The following STARD4 variants were observed in gnomAD, a reference collection of about 807,000 sequenced individuals.
STARD4 encodes StAR related lipid transfer domain containing 4.
Under a neutral mutation model 24.9 loss-of-function variants are expected in STARD4, and 33 were observed. The ratio of observed to expected loss-of-function variants is 1.32; its 90% CI spans 1.00 to 1.77. The LOEUF is 1.77. STARD4 is among the 40% of genes most tolerant of loss of function. The pLI, the probability that STARD4 is intolerant of heterozygous loss-of-function variation, is 0.00. For synonymous variants in STARD4, 88 were observed against 77.4 expected, an observed-to-expected ratio of 1.14 and a Z score of -0.72; for missense variants, 238 against 249.3, an observed-to-expected ratio of 0.95 and a Z score of 0.31.
chr5:111,512,208 T>C (rs1246824041), intron 1 of STARD4, 177 bp downstream of exon 1: 3 of 152,524 alleles, frequency 2.0e-5, no homozygotes, highest in Non-Finnish European at 1.5e-5. Flanking sequence ...CTTTCATCTG[T>C]GAGGTCCTCT....
intron 1 of STARD4, 148 bp downstream of exon 1, chr5:111,512,236 GC>G (rs1757367054): frequency 6.6e-6 from 1 of 152,528 alleles, no homozygotes; most frequent in Admixed American, 6.5e-5. Flanking sequence ...GGACGCCGGG[GC>G]CCGCCATCCC....
At chr5:111,509,810 C>T (rs766355985) in intron 1 of STARD4, among the ~76,000 whole-genome samples, 2 of 152,120 alleles carry the variant, frequency 1.3e-5, no homozygotes, top group African/African-American at 4.8e-5. Flanking sequence ...TTACGCCAAT[C>T]CTAGAGCTTC....
chr5:111,504,086 T>C (rs1580853551), intron 3 of STARD4, among the ~76,000 whole-genome samples: 1 of 152,186 alleles, frequency 6.6e-6, no homozygotes, highest in Non-Finnish European at 1.5e-5. Flanking sequence ...AAGTAGTGAA[T>C]GGAGGGGGAT....
Position 111,496,243 on chromosome 5 carries a change from A to T in STARD4, c.*3643T>A, listed in dbSNP as rs1183043799. The T allele has an allele frequency of 6.6e-6, 1 of 152,132 alleles. No individual in the cohort carries two copies. Among genetic ancestry groups the T allele is most frequent in the East Asian group, 1.9e-4 (1 of 5,206 alleles). The allele number at this position is 152,132 out of a possible 1,614,324, so 9.4% of individuals were successfully genotyped here. A position where few individuals can be genotyped will look rare whatever the true frequency, so the allele number is the denominator to read the frequency against. On this transcript the variant is annotated 3_prime_UTR_variant, in exon 6 of 6. Transcript: ENST00000296632. ...GATGAATTTTAATATTTAACTATAC[A>T]TGTAAAATCCGTAAAAACAATACAA...
At chr5:111,505,746 G>C (rs74395116) in intron 3 of STARD4, among the ~76,000 whole-genome samples, 6,044 of 152,182 alleles carry the variant, frequency 0.04, 385 homozygotes, top group African/African-American at 0.14. Flanking sequence ...CTGAGTAAAT[G>C]TAGAATATTA....
At chr5:111,509,332 T>C (rs1757081570) in intron 1 of STARD4, among the ~76,000 whole-genome samples, 1 of 152,136 alleles carries the variant, frequency 6.6e-6, no homozygotes, top group Non-Finnish European at 1.5e-5. Context: ...AAGTTATTAT[T>C]ATCATAAGCA....
chr5:111,510,130 T>C (rs1757141325), intron 1 of STARD4, among the ~76,000 whole-genome samples: 2 of 152,240 alleles, frequency 1.3e-5, no homozygotes, highest in Admixed American at 1.3e-4. Flanking sequence ...GCAATGTATT[T>C]AACCAAACAG....
chr5:111,505,835 C>A (rs1223793663), intron 3 of STARD4, among the ~76,000 whole-genome samples: 1 of 152,016 alleles, frequency 6.6e-6, no homozygotes, highest in African/African-American at 2.4e-5. Flanking sequence ...TCCTCACCAC[C>A]AACTCAGTCT....
At chr5:111,510,508 T>C (rs1757182523) in intron 1 of STARD4, among the ~76,000 whole-genome samples, 1 of 152,178 alleles carries the variant, frequency 6.6e-6, no homozygotes, top group South Asian at 2.1e-4. Flanking sequence ...ACTCTAACAT[T>C]TACACGTCAG....
At chr5:111,506,434 C>A in intron 2 of STARD4, 55 bp from the exon 3 acceptor site, 1 of 811,006 alleles carries the variant, frequency 1.2e-6, no homozygotes, top group Non-Finnish European at 1.9e-6. Flanking sequence ...ACCCTAGACA[C>A]AAAACTGATA....
rs1162371353 is a variant in STARD4, at chr5:111,496,481, G to T, written c.*3405C>A. 1.3e-5 allele frequency: 2 copies of T among 152,036 alleles called. No homozygotes were observed. Among genetic ancestry groups the T allele is most frequent in the African/African-American group, 4.8e-5 (2 of 41,412 alleles). 9.4% of individuals were successfully genotyped at this position (152,036 alleles called of 1,614,324 possible). A position where few individuals can be genotyped will look rare whatever the true frequency, so the allele number is the denominator to read the frequency against. Reference sequence around the variant, plus strand: ...TCTCTACAGGGTAGGGATCACTACAGTCCCATTTAATTAAAAGAAACTGGA... The same window carrying T: ...TCTCTACAGGGTAGGGATCACTACATTCCCATTTAATTAAAAGAAACTGGA... On this transcript the variant is annotated 3_prime_UTR_variant, in exon 6 of 6. Coordinates refer to ENST00000296632, the MANE Select transcript of STARD4 (RefSeq NM_139164.3).
At chr5:111,500,914 A>G (rs1234899088) in intron 5 of STARD4, 88 bp downstream of exon 5, 1 of 1,608,212 alleles carries the variant, frequency 6.2e-7, no homozygotes, top group African/African-American at 1.3e-5. Flanking sequence ...AGTTGAAAAT[A>G]TATCTCACAA....
chr5:111,509,058 A>T (rs1256827433), intron 1 of STARD4, among the ~76,000 whole-genome samples: 1 of 152,070 alleles, frequency 6.6e-6, no homozygotes, highest in African/African-American at 2.4e-5. Context: ...CTCATTCAAA[A>T]AGTCTCTCAG....
intron 1 of STARD4, among the ~76,000 whole-genome samples, chr5:111,510,444 T>C (rs1479275002): frequency 6.6e-6 from 1 of 152,212 alleles, no homozygotes. Context: ...AACTTCCTTT[T>C]ACTAATTCAG....
At chr5:111,500,876 C>G (rs1554078305) in intron 5 of STARD4, 126 bp downstream of exon 5, 9 of 1,584,952 alleles carry the variant, frequency 5.7e-6, no homozygotes, top group Middle Eastern at 3.4e-4. Flanking sequence ...TTAGCACTTG[C>G]AAAAAATGTT....
chr5:111,507,387 T>A lies in STARD4; in HGVS notation c.47A>T (p.Asn16Ile). The change falls in exon 2 of 6, where the codon AAC becomes ATC. Residue 16 changes from asparagine (N) to isoleucine (I), a missense_variant. Coordinates refer to ENST00000296632, the MANE Select transcript of STARD4 (RefSeq NM_139164.3). The surrounding 1 kb of genome is among the most constrained non-coding windows in gnomAD (Gnocchi z 4.4). ...DVASFATKLKNTLIQYHSIEE... is the reference protein window; with the variant it reads ...DVASFATKLKITLIQYHSIEE... ...AATGCTATGGTACTGGATGAGAGTG[T>A]TTTTAAGTTTAGTTGCAAAAGAAGC... 1 of 1,613,628 alleles carries A rather than the reference T, an allele frequency of 6.2e-7. No individual in the cohort carries two copies. The highest frequency in any genetic ancestry group is 8.5e-7 in the Non-Finnish European group (1 of 1,179,776).
At chr5:111,506,137 C>G (rs540265073) in intron 3 of STARD4, 193 bp downstream of exon 3, 3 of 277,544 alleles carry the variant, frequency 1.1e-5, no homozygotes, top group African/African-American at 7.4e-5. Context: ...GAGGTTGCAG[C>G]GAGCCGAGAT....
At chr5:111,503,585 C>T (rs1016455719) in intron 3 of STARD4, among the ~76,000 whole-genome samples, 1 of 152,036 alleles carries the variant, frequency 6.6e-6, no homozygotes, top group Non-Finnish European at 1.5e-5. Flanking sequence ...GCTGAGATTG[C>T]GTCACTGCAC....
At position 111,499,994 on chromosome 5, in the gene STARD4, T is replaced by C; in HGVS notation, c.510A>G (p.Thr170=). ...LKDNPNQSLL[T]GYIQTDLRGM... is the part of the protein sequence containing the mutation. ...CACGCAGATCTGTCTGAATATATCC[T>C]GTCAAAAGACTCTGGTTTGGGTTGT... Residue 170 remains threonine, a synonymous_variant, in exon 6 of 6, where the codon ACA becomes ACG. Transcript: ENST00000296632. The C allele has an allele frequency of 1.2e-6, 2 of 1,614,170 alleles. No homozygotes were observed. The highest frequency in any genetic ancestry group is 1.1e-5 in the South Asian group (1 of 91,086).
Sources: allele counts gnomAD v4.1 joint callset (sites outside exome capture counted in the v4.1 genomes callset), GRCh38; gene constraint gnomAD v4.1.1; non-coding constraint Gnocchi (gnomAD v3.1); transcripts MANE v1.5; gene names NCBI Gene and HGNC (gene_info 2026-07-23, HGNC 2026-07-21).